Variants in DRC7 observed in about 807,000 individuals in gnomAD.
DRC7 encodes the protein coiled-coil domain containing 135.
A neutral mutation model predicts 104.4 loss-of-function variants in DRC7; 80 were observed. The ratio of observed to expected loss-of-function variants is 0.77; its 90% CI spans 0.64 to 0.92. DRC7 has a LOEUF of 0.92. Among genes scored for constraint, DRC7 ranks in the 40% least tolerant of loss-of-function variants. The pLI, the probability that DRC7 is intolerant of heterozygous loss-of-function variation, is 0.00. For synonymous variants in DRC7, 405 were observed against 447.3 expected (o/e 0.91, Z 1.19); for missense variants, 1,034 against 1,141.1 (o/e 0.91, Z 1.35).
rs144066501 is a variant in DRC7 at position 57,702,138 on chromosome 16, C to A, written c.699+8C>A. The A allele has an allele frequency of 3.6e-4, 579 of 1,613,034 alleles. 2 individuals are homozygous for A. The African/African-American group carries it at 6.6e-3, about 18-fold the overall frequency. Reference sequence around the variant, plus strand: ...ACTGTGAAGCCCAAGGAGGTATGGTCGGGCTTGAGCTGCCCGGGTTTCCCA... The same window carrying A: ...ACTGTGAAGCCCAAGGAGGTATGGTAGGGCTTGAGCTGCCCGGGTTTCCCA... On this transcript the variant is annotated splice_region_variant and intron_variant, in intron 6 of 18. Coordinates refer to ENST00000360716, the MANE Select transcript of DRC7 (RefSeq NM_001289162.2).
chr16:57,717,084 G>A (rs1054733434), intron 8 of DRC7, among the ~76,000 whole-genome samples: 1 of 151,702 alleles, frequency 6.6e-6, no homozygotes, highest in Non-Finnish European at 1.5e-5. Context: ...CTTGAACCGG[G>A]GAGATAGAGG....
chr16:57,716,479 G>A (rs1218763491), intron 8 of DRC7, among the ~76,000 whole-genome samples: 1 of 148,414 alleles, frequency 6.7e-6, no homozygotes, highest in African/African-American at 2.5e-5. Context: ...CTCCAGCCTG[G>A]GCAACAGAGC....
chr16:57,698,553 G>T (rs916171858), intron 3 of DRC7, among the ~76,000 whole-genome samples: 2 of 152,102 alleles, frequency 1.3e-5, no homozygotes, highest in Non-Finnish European at 2.9e-5. Flanking sequence ...AATTAGCCAG[G>T]TGTGGTGGTG....
chr16:57,726,975 G>A (rs781011641), intron 15 of DRC7, 33 bp downstream of exon 15: 4 of 1,363,320 alleles, frequency 2.9e-6, no homozygotes, highest in Admixed American at 1.8e-5. Flanking sequence ...GCAGGTGGGC[G>A]GTATCTTTGT....
At chr16:57,701,114 G>A (rs2048653762) in intron 5 of DRC7, among the ~76,000 whole-genome samples, 1 of 152,188 alleles carries the variant, frequency 6.6e-6, no homozygotes, top group Non-Finnish European at 1.5e-5. Context: ...GTAAGGGGGA[G>A]GAAGGAGAAG....
At chr16:57,714,634 T>TCA (rs111259708) in intron 8 of DRC7, 217 of 186,604 alleles carry the variant, frequency 1.2e-3, no homozygotes, top group Middle Eastern at 2.3e-3. Context: ...TCTCTCTCTG[T>TCA]CACACACACA....
chr16:57,711,815 C>T (rs2048793910), intron 8 of DRC7, among the ~76,000 whole-genome samples: 1 of 152,152 alleles, frequency 6.6e-6, no homozygotes, highest in African/African-American at 2.4e-5. Context: ...GATGAAATCA[C>T]AGAAAGTCAA....
At chr16:57,729,934 G>T (rs2049036596) in intron 17 of DRC7, among the ~76,000 whole-genome samples, 1 of 115,502 alleles carries the variant, frequency 8.7e-6, no homozygotes, top group African/African-American at 3.3e-5. Context: ...GAGTGGGTGG[G>T]TGGATGGGTG....
intron 8 of DRC7, chr16:57,714,630 T>C (rs2048822300): frequency 1.2e-5 from 2 of 172,410 alleles, no homozygotes; most frequent in African/African-American, 2.6e-5. Flanking sequence ...TCTCTCTCTC[T>C]CTGTCACACA....
intron 13 of DRC7, 98 bp from the exon 14 acceptor site, chr16:57,725,970 T>C: frequency 1.0e-6 from 1 of 1,004,072 alleles, no homozygotes; most frequent in Non-Finnish European, 1.5e-6. Flanking sequence ...CAGACTCCAG[T>C]GTCCTGAACG....
chr16:57,721,687 G>A lies in DRC7; in HGVS notation c.1227G>A (p.Lys409=). The stretch of plus-strand genomic sequence containing the variant: ...ATCAGGGCAAGGAGGATGAGGATAA[G>A]AGCTTCGACATGCCCCACTCGTGGG... ...VENLGKEDED[K]SFDMPHSWVE... Residue 409 remains lysine (K), a synonymous_variant, in exon 10 of 19, where the codon AAG becomes AAA. Transcript: ENST00000360716. 2.5e-6 allele frequency: 4 copies of A among 1,614,002 alleles called. No individual in the cohort carries two copies. Among genetic ancestry groups the A allele is most frequent in the Non-Finnish European group, 3.4e-6 (4 of 1,179,934 alleles).
chr16:57,724,877 C>T (rs1262496228), intron 13 of DRC7, 42 bp downstream of exon 13: 2 of 1,503,638 alleles, frequency 1.3e-6, no homozygotes, highest in African/African-American at 2.8e-5. Context: ...CCCTCCTTCT[C>T]TGGCAGCTGA....
rs201384152 is a variant in DRC7, at chr16:57,731,070, G to A, written c.2531G>A (p.Arg844Gln). ...RIRILEQRLN[R>Q]HKELAPLKYL... Reference sequence around the variant, plus strand: ...CGCATCCTGGAGCAGCGCCTCAATCGGTGAGCAGGCAGGGCAGGTGGAGAG... The same window carrying A: ...CGCATCCTGGAGCAGCGCCTCAATCAGTGAGCAGGCAGGGCAGGTGGAGAG... The change falls in exon 18 of 19, where the codon CGA becomes CAA. Residue 844 changes from arginine (R) to glutamine (Q), a missense_variant and splice_region_variant. Physicochemically the swap from Arg to Gln is conservative, Grantham distance 43. Coordinates refer to ENST00000360716, the MANE Select transcript of DRC7 (RefSeq NM_001289162.2). 151 of 1,613,622 alleles carry A rather than the reference G, an allele frequency of 9.4e-5. No individual in the cohort carries two copies. The highest frequency in any genetic ancestry group is 1.2e-4 in the Non-Finnish European group (137 of 1,179,962).
intron 16 of DRC7, among the ~76,000 whole-genome samples, chr16:57,727,700 G>A (rs562612208): frequency 6.6e-6 from 1 of 152,238 alleles, no homozygotes; most frequent in East Asian, 1.9e-4. Flanking sequence ...CTCCCACTGA[G>A]GTTGCACCCT....
rs1259610362 is a variant in DRC7 at position 57,714,852 on chromosome 16, C to T, written c.1078-3495C>T. ...CAGTATATACTACTTGCATACATTG[C>T]TGGTGCATGCTACAAAAAGAGGGAA... On this transcript the variant is annotated intron_variant, in intron 8 of 18. Transcript: ENST00000360716. 15 of 340,714 alleles carry T rather than the reference C, an allele frequency of 4.4e-5. No homozygotes were observed. In the Admixed American group the frequency reaches 5.5e-4, roughly 12 times the overall value. The allele number at this position is 340,714 out of a possible 1,614,324, so 21.1% of individuals were successfully genotyped here.
intron 13 of DRC7, among the ~76,000 whole-genome samples, chr16:57,725,174 A>G (rs550727541): frequency 3.7e-4 from 55 of 149,552 alleles, no homozygotes; most frequent in Non-Finnish European, 7.1e-4. Context: ...CCTAGTGAAA[A>G]GGGTCCTTTT....
At position 57,700,123 on chromosome 16, in the gene DRC7, GGCACCATCTCTCTCCTT is replaced by G; in HGVS notation, c.379-18_379-2del. 6.2e-7 allele frequency: 1 copy of G among 1,611,630 alleles called. No individual in the cohort carries two copies. Among genetic ancestry groups the G allele is most frequent in the Non-Finnish European group, 8.5e-7 (1 of 1,178,326 alleles). The stretch of plus-strand genomic sequence containing the variant: ...AAGTTCTTATTGCCTTGACCCCACT[GGCACCATCTCTCTCCTT>G]GCAGAAGTTCGTGAGCACAACCCTC... On this transcript the variant is annotated splice_polypyrimidine_tract_variant and splice_region_variant and intron_variant, in intron 4 of 18. Transcript: ENST00000360716.
chr16:57,726,506 T>C lies in DRC7; in HGVS notation c.1974+223T>C, dbSNP rs142351741. On this transcript the variant is annotated intron_variant, in intron 14 of 18. Coordinates refer to ENST00000360716, the MANE Select transcript of DRC7 (RefSeq NM_001289162.2). ...CACCAAAAAAGCGAACTCAGCAGGC[T>C]AAGACGACTCTGCAGTCCTGGTCAG... 8.9e-4 allele frequency: 518 copies of C among 581,028 alleles called. 3 individuals are homozygous for C. In the African/African-American group the frequency reaches 9.0e-3, roughly 10 times the overall value. The allele number at this position is 581,028 out of a possible 1,614,324, so 36.0% of individuals were successfully genotyped here.
rs769681818 is a variant in DRC7, at chr16:57,723,164, G to T, written c.1537+34G>T. ...CTCCCCTTTCCTGGGCCACCCAGGA[G>T]CCTGGGGTAGAGGCCTCACACACCC... On this transcript the variant is annotated intron_variant, in intron 12 of 18. Transcript: ENST00000360716. 3.1e-6 allele frequency: 5 copies of T among 1,607,892 alleles called. No individual in the cohort carries two copies. The East Asian group carries it at 8.9e-5, about 29-fold the overall frequency.
Sources: allele counts gnomAD v4.1 joint callset (sites outside exome capture counted in the v4.1 genomes callset), GRCh38; gene constraint gnomAD v4.1.1; transcripts MANE v1.5; gene names NCBI Gene and HGNC (gene_info 2026-07-23, HGNC 2026-07-21).